Variants in WWC1 observed in about 807,000 individuals in gnomAD.
The protein encoded by WWC1 is protein KIBRA.
A neutral mutation model predicts 138.4 loss-of-function variants in WWC1; 55 were observed. The ratio of observed to expected loss-of-function variants is 0.40; its 90% CI spans 0.32 to 0.50. The LOEUF (loss-of-function observed/expected upper bound fraction) is 0.50, where lower values mean the gene tolerates loss of function less well. Among genes scored for constraint, WWC1 ranks in the 20% least tolerant of loss-of-function variants. WWC1 has a pLI of 0.72. For synonymous variants in WWC1, 524 were observed against 564.9 expected, an observed-to-expected ratio of 0.93 and a Z score of 1.03; for missense variants, 1,226 against 1,420.4, an observed-to-expected ratio of 0.86 and a Z score of 2.20.
In WWC1 at chr5:168,339,907, TTCTCTCTCTC is replaced by T. The variant is rs10593765; in HGVS notation, c.120-31509_120-31500del. On this transcript the variant is annotated intron_variant, in intron 1 of 22. Coordinates refer to ENST00000265293, the MANE Select transcript of WWC1 (RefSeq NM_015238.3). ...TCCCTCTCTCTCTGTCTCTCTCTCT[TTCTCTCTCTC>T]TCTCTCTTTCTCTCTTTCTCTCTCT... Among the ~76,000 whole-genome samples, 178 of 138,414 alleles carry T rather than the reference TTCTCTCTCTC, an allele frequency of 1.3e-3. 1 individual carries two copies. The highest frequency in any genetic ancestry group is 4.5e-3 in the African/African-American group (163 of 36,008). 90.8% of individuals were successfully genotyped at this position (138,414 alleles called of 152,430 possible).
intron 21 of WWC1, 51 bp downstream of exon 21, chr5:168,465,013 C>CG (rs766014218): frequency 1.3e-6 from 2 of 1,591,706 alleles, no homozygotes; most frequent in Non-Finnish European, 8.6e-7. Flanking sequence ...CCCAGAGAGT[C>CG]GGGGGGCACT....
chr5:168,326,512 C>G (rs545192658), intron 1 of WWC1, among the ~76,000 whole-genome samples: 3 of 151,586 alleles, frequency 2.0e-5, no homozygotes, highest in Non-Finnish European at 2.9e-5. Flanking sequence ...CCACCGTGCC[C>G]GGCCCCGACT....
At chr5:168,468,865 C>T in intron 22 of WWC1, 86 bp from the exon 23 acceptor site, 1 of 1,433,178 alleles carries the variant, frequency 7.0e-7, no homozygotes, top group Non-Finnish European at 9.8e-7. Context: ...TATAGGACAG[C>T]TCCCACGACA....
At chr5:168,334,246 C>A (rs945025588) in intron 1 of WWC1, among the ~76,000 whole-genome samples, 23 of 147,958 alleles carry the variant, frequency 1.6e-4, no homozygotes, top group South Asian at 1.1e-3. Flanking sequence ...ACAACAACAA[C>A]AAAAAACTCT....
At chr5:168,436,053 C>T (rs557840607) in intron 15 of WWC1, among the ~76,000 whole-genome samples, 16 of 152,140 alleles carry the variant, frequency 1.1e-4, no homozygotes, top group East Asian at 3.9e-4. Context: ...ATGTTGGCCA[C>T]GCTGGTCTCA....
At position 168,393,587 on chromosome 5, in the gene WWC1, A is replaced by G. The variant is rs1414263450; in HGVS notation, c.434-4137A>G. On this transcript the variant is annotated intron_variant, in intron 3 of 22. Transcript: ENST00000265293. ...AGACGTGTGAGATTTTAGAAAGCTC[A>G]TTTCCTTCATGGTTTCTTTCTCAAG... 4.6e-5 allele frequency among the ~76,000 whole-genome samples: 7 copies of G among 152,334 alleles called. No homozygotes were observed. The East Asian group carries it at 1.3e-3, about 29-fold the overall frequency.
Position 168,437,942 on chromosome 5 carries a change from G to A in WWC1, c.2281-3740G>A, listed in dbSNP as rs143845433. 2.9e-4 allele frequency among the ~76,000 whole-genome samples: 44 copies of A among 152,280 alleles called. 1 individual carries two copies. The highest frequency in any genetic ancestry group is 6.5e-4 in the Admixed American group (10 of 15,294). ...ATGCTTCTGTGGCTCCAGAGTCTGC[G>A]AAGGGCTTAGGGAGTTTTTACTGAA... is the stretch of plus-strand genomic sequence containing the variant. On this transcript the variant is annotated intron_variant, in intron 15 of 22. Coordinates refer to ENST00000265293, the MANE Select transcript of WWC1 (RefSeq NM_015238.3).
chr5:168,408,570 A>G lies in WWC1; in HGVS notation c.784A>G (p.Ser262Gly), dbSNP rs758294029. ...GGGGTCTCACTCAGACCTGTGGTCC[A>G]GCAGCAGCTCTCTGGAGAGTTCGAG... The part of the protein sequence containing the change: ...DRGSHSDLWS[S>G]SSSLESSSFP... Residue 262 changes from serine to glycine, a missense_variant, in exon 7 of 23, where the codon AGC becomes GGC. Physicochemically the swap from Ser to Gly is moderately conservative, Grantham distance 56. Around this residue, in one of 3 missense-constraint regions of WWC1, gnomAD observed 1,016 missense variants for 1,153.9 expected, o/e 0.88. Coordinates refer to ENST00000265293, the MANE Select transcript of WWC1 (RefSeq NM_015238.3). 6.1e-5 allele frequency: 98 copies of G among 1,614,094 alleles called. 1 individual carries two copies. Among genetic ancestry groups the G allele is most frequent in the Non-Finnish European group, 7.8e-5 (92 of 1,180,018 alleles).
chr5:168,376,888 A>G (rs775558591), intron 2 of WWC1, among the ~76,000 whole-genome samples: 4 of 152,244 alleles, frequency 2.6e-5, no homozygotes, highest in Non-Finnish European at 5.9e-5. Context: ...TGCTATTCAT[A>G]TCAAACTACC....
chr5:168,385,140 G>A (rs1013282439), intron 2 of WWC1, 71 bp from the exon 3 acceptor site: 1 of 1,547,366 alleles, frequency 6.5e-7, no homozygotes, highest in Non-Finnish European at 8.8e-7. Flanking sequence ...TTCTGCTAGT[G>A]GATACCACAG....
intron 1 of WWC1, among the ~76,000 whole-genome samples, chr5:168,315,302 G>T (rs1474660733): frequency 6.6e-6 from 1 of 151,816 alleles, no homozygotes; most frequent in Non-Finnish European, 1.5e-5. Flanking sequence ...TAAGCCTACT[G>T]AATCAGAATC....
chr5:168,338,640 C>T (rs559292356), intron 1 of WWC1, among the ~76,000 whole-genome samples: 2 of 152,076 alleles, frequency 1.3e-5, no homozygotes, highest in Admixed American at 6.5e-5. Context: ...CTCGAACTCC[C>T]GGCCTCAGGT....
chr5:168,393,558 T>C (rs1368654699), intron 3 of WWC1, among the ~76,000 whole-genome samples: 2 of 152,144 alleles, frequency 1.3e-5, no homozygotes, highest in Non-Finnish European at 2.9e-5. Context: ...ATAAGGCTAT[T>C]TTCAGACGTG....
intron 2 of WWC1, among the ~76,000 whole-genome samples, chr5:168,382,734 T>C (rs1777744060): frequency 6.6e-6 from 1 of 152,238 alleles, no homozygotes; most frequent in African/African-American, 2.4e-5. Context: ...CATTTGTTCC[T>C]GCCTCTTGTT....
Position 168,418,786 on chromosome 5 carries a change from C to T in WWC1, c.1185-3222C>T, listed in dbSNP as rs17070145. ...CCAGCTGCTCCTTGATCCTGGACCT[C>T]AACTGTTCCTGAGCTTTCCTTTTAT... On this transcript the variant is annotated intron_variant, in intron 9 of 22. Transcript: ENST00000265293. 0.43 allele frequency among the ~76,000 whole-genome samples: 65,773 copies of T among 151,876 alleles called. 15,691 individuals carry two copies. The highest frequency in any genetic ancestry group is 0.77 in the East Asian group (3,932 of 5,108).
chr5:168,458,967 T>C (rs1393149402), intron 19 of WWC1, among the ~76,000 whole-genome samples: 1 of 152,046 alleles, frequency 6.6e-6, no homozygotes, highest in African/African-American at 2.4e-5. Context: ...CAATGTAGAA[T>C]AAAAGGCTGG....
chr5:168,401,165 G>A (rs903400567), intron 5 of WWC1, among the ~76,000 whole-genome samples: 2 of 152,078 alleles, frequency 1.3e-5, no homozygotes, highest in Non-Finnish European at 2.9e-5. Flanking sequence ...GAGAGAGAAA[G>A]ATGTTAGCTT....
At chr5:168,464,651 T>G in intron 20 of WWC1, 78 bp from the exon 21 acceptor site, 1 of 1,574,408 alleles carries the variant, frequency 6.4e-7, no homozygotes, top group Admixed American at 1.8e-5. Flanking sequence ...AGAGGGTATT[T>G]GAGGGTCAGA....
chr5:168,409,443 T>G (rs1207671055), intron 7 of WWC1, among the ~76,000 whole-genome samples: 1 of 152,154 alleles, frequency 6.6e-6, no homozygotes. Context: ...CAGGCCAAAG[T>G]ATTTGTAAAG....
Sources: gnomAD v4.1 joint callset for allele counts (sites outside exome capture counted in the v4.1 genomes callset) on GRCh38, gnomAD v4.1.1 for gene constraint, gnomAD v4.1.1 regional missense constraint, MANE v1.5 for transcripts, NCBI Gene and HGNC (gene_info 2026-07-23, HGNC 2026-07-21) for gene names.